Variants in EBF1 observed in about 807,000 individuals in gnomAD.
EBF1 encodes the protein EBF transcription factor 1.
Under a neutral mutation model 68.4 loss-of-function variants are expected in EBF1, and 10 were observed. The ratio of observed to expected loss-of-function variants is 0.15; its 90% CI spans 0.09 to 0.25. The LOEUF is 0.25. Among genes scored for constraint, EBF1 ranks in the 10% least tolerant of loss-of-function variants. The pLI is 1.00. For synonymous variants in EBF1, 298 were observed against 299.8 expected (o/e 0.99, Z 0.06); for missense variants, 509 against 794.4 (o/e 0.64, Z 4.32).
intron 6 of EBF1, among the ~76,000 whole-genome samples, chr5:158,877,234 C>G (rs957337390): frequency 1.3e-5 from 2 of 152,300 alleles, no homozygotes; most frequent in African/African-American, 4.8e-5. Flanking sequence ...ACTCTTGCCC[C>G]TATTCTTTTT....
intron 10 of EBF1, among the ~76,000 whole-genome samples, chr5:158,731,386 A>T (rs751908502): frequency 6.6e-6 from 1 of 152,200 alleles, no homozygotes; most frequent in African/African-American, 2.4e-5. Context: ...TAGGTCTTGA[A>T]CAGTGTTCCT....
intron 6 of EBF1, among the ~76,000 whole-genome samples, chr5:158,906,371 A>C (rs1227618524): frequency 6.6e-6 from 1 of 152,064 alleles, no homozygotes; most frequent in African/African-American, 2.4e-5. Flanking sequence ...AACCAATCAT[A>C]CATACAAAAA....
At chr5:158,961,481 A>C (rs1459620725) in intron 6 of EBF1, among the ~76,000 whole-genome samples, 1 of 152,252 alleles carries the variant, frequency 6.6e-6, no homozygotes, top group Non-Finnish European at 1.5e-5. Flanking sequence ...TGTTTAAAAA[A>C]TTATGAGATA....
intron 10 of EBF1, among the ~76,000 whole-genome samples, chr5:158,736,588 C>T (rs964813734): frequency 7.2e-5 from 11 of 152,162 alleles, no homozygotes; most frequent in Admixed American, 4.6e-4. Flanking sequence ...ATAAATAAAA[C>T]CTCATAGCAG....
At chr5:159,066,716 G>A (rs921104546) in intron 6 of EBF1, among the ~76,000 whole-genome samples, 3 of 151,982 alleles carry the variant, frequency 2.0e-5, no homozygotes, top group East Asian at 1.9e-4. Flanking sequence ...GTACTGTAAC[G>A]TTAAAACCTT....
At chr5:159,051,645 A>G (rs1755050943) in intron 6 of EBF1, among the ~76,000 whole-genome samples, 3 of 151,538 alleles carry the variant, frequency 2.0e-5, no homozygotes, top group African/African-American at 7.3e-5. Context: ...GATTTATAGC[A>G]AGGAGCCCCG....
intron 8 of EBF1, among the ~76,000 whole-genome samples, chr5:158,811,143 G>T (rs569553049): frequency 3.3e-5 from 5 of 152,136 alleles, no homozygotes; most frequent in Non-Finnish European, 5.9e-5. Context: ...GCTGGCACAG[G>T]GAGTTTGAGA....
chr5:159,072,200 G>C (rs1777917697), intron 6 of EBF1, among the ~76,000 whole-genome samples: 1 of 152,036 alleles, frequency 6.6e-6, no homozygotes, highest in Non-Finnish European at 1.5e-5. Flanking sequence ...TACTAGTGAG[G>C]AATATTTAGT....
chr5:159,089,464 A>G (rs1781244651), intron 4 of EBF1, among the ~76,000 whole-genome samples: 2 of 152,160 alleles, frequency 1.3e-5, no homozygotes, highest in African/African-American at 4.8e-5. Context: ...CTTAAAAGTT[A>G]ATTGAAACTT....
At chr5:158,829,865 A>G (rs1787120275) in intron 7 of EBF1, among the ~76,000 whole-genome samples, 1 of 152,192 alleles carries the variant, frequency 6.6e-6, no homozygotes, top group South Asian at 2.1e-4. Flanking sequence ...GAATCATAAA[A>G]GCATCCACAG....
intron 6 of EBF1, among the ~76,000 whole-genome samples, chr5:158,876,267 A>G (rs985196029): frequency 6.6e-6 from 1 of 152,102 alleles, no homozygotes; most frequent in Non-Finnish European, 1.5e-5. Flanking sequence ...TAGCCTCCCA[A>G]TACCTCTAAT....
At chr5:158,746,776 A>G (rs185856434) in intron 10 of EBF1, among the ~76,000 whole-genome samples, 20 of 152,316 alleles carry the variant, frequency 1.3e-4, no homozygotes, top group Admixed American at 1.2e-3. Context: ...CCTGAGACCA[A>G]TATGTGAGAT....
chr5:159,050,152 T>TTCTCTCTCTCTC, intron 6 of EBF1, among the ~76,000 whole-genome samples: 1 of 135,646 alleles, frequency 7.4e-6, no homozygotes, highest in South Asian at 2.5e-4. Flanking sequence ...TCGTTTCTCT[T>TTCTCTCTCTCTC]TCTCTCTCTC....
At chr5:158,910,868 C>T (rs1300184023) in intron 6 of EBF1, among the ~76,000 whole-genome samples, 1 of 152,104 alleles carries the variant, frequency 6.6e-6, no homozygotes. Context: ...AGTTTGTGGC[C>T]CCAAAGGGAA....
At chr5:158,951,540 G>T (rs1583421327) in intron 6 of EBF1, among the ~76,000 whole-genome samples, 1 of 152,166 alleles carries the variant, frequency 6.6e-6, no homozygotes, top group Admixed American at 6.5e-5. Flanking sequence ...ATTCAATGGG[G>T]TCTTCTTCCC....
intron 6 of EBF1, among the ~76,000 whole-genome samples, chr5:159,057,104 CTTTTTTT>C (rs1205129627): frequency 0.011 from 1,186 of 110,664 alleles, 16 homozygotes; most frequent in African/African-American, 0.035. Context: ...CTTTTCTTTT[CTTTTTTT>C]TTTTTTTTTT....
intron 6 of EBF1, among the ~76,000 whole-genome samples, chr5:158,990,783 T>C (rs1459686389): frequency 1.3e-5 from 2 of 152,236 alleles, no homozygotes; most frequent in Non-Finnish European, 2.9e-5. Flanking sequence ...CAAAGGCTCA[T>C]AACAGAATTC....
At chr5:158,706,920 A>G (rs1757988682) in intron 15 of EBF1, among the ~76,000 whole-genome samples, 1 of 152,240 alleles carries the variant, frequency 6.6e-6, no homozygotes, top group Non-Finnish European at 1.5e-5. Context: ...AGCCCCAGGT[A>G]CACTGTTCAG....
rs1792374593 is a variant in EBF1 at position 158,850,251 on chromosome 5, TA to T, written c.555-10142del. Among the ~76,000 whole-genome samples, 4 of 152,344 alleles carry T rather than the reference TA, an allele frequency of 2.6e-5. No individual in the cohort carries two copies. In the South Asian group the frequency reaches 8.3e-4, roughly 32 times the overall value. ...GTTGACTTTTGTTGAAACCCTTAGT[TA>T]AAACTCTTAATGATTTACTATTTCT... On this transcript the variant is annotated intron_variant, in intron 6 of 15. Coordinates refer to ENST00000313708, the MANE Select transcript of EBF1 (RefSeq NM_024007.5).
Sources: allele counts gnomAD v4.1 joint callset (sites outside exome capture counted in the v4.1 genomes callset), GRCh38; gene constraint gnomAD v4.1.1; transcripts MANE v1.5; gene names NCBI Gene and HGNC (gene_info 2026-07-23, HGNC 2026-07-21).